Variants in BACH2 observed in about 807,000 individuals in gnomAD.
The protein encoded by BACH2 is transcription regulator protein BACH2.
In BACH2, 5 loss-of-function variants were observed where a neutral mutation model predicts 61.8. That is an observed-to-expected ratio of 0.08 (90% CI 0.04 to 0.17). BACH2 has a LOEUF of 0.17. BACH2 is among the 10% of genes least tolerant of loss of function. The probability of loss-of-function intolerance (pLI) is 1.00; values close to 1 mark genes in which losing one functional copy is unlikely to be tolerated. For missense variants in BACH2, 824 were observed against 1,091.1 expected (o/e 0.76, Z 3.45); for synonymous variants, 446 against 440.1 (o/e 1.01, Z -0.17).
At chr6:89,987,371 G>C (rs551014415) in intron 6 of BACH2, among the ~76,000 whole-genome samples, 1 of 152,236 alleles carries the variant, frequency 6.6e-6, no homozygotes, top group African/African-American at 2.4e-5. Context: ...ACTCAAATCA[G>C]ATGGAGGCTG....
At chr6:89,968,652 T>C (rs1174926351) in intron 6 of BACH2, among the ~76,000 whole-genome samples, 4 of 152,256 alleles carry the variant, frequency 2.6e-5, no homozygotes, top group Non-Finnish European at 5.9e-5. Flanking sequence ...GCAAAAAATT[T>C]ACTTGAGCAT....
At chr6:90,079,248 G>A (rs1781614399) in intron 5 of BACH2, among the ~76,000 whole-genome samples, 1 of 152,150 alleles carries the variant, frequency 6.6e-6, no homozygotes, top group African/African-American at 2.4e-5. Flanking sequence ...AGATACTACA[G>A]GGCAGGCGTG....
intron 2 of BACH2, among the ~76,000 whole-genome samples, chr6:90,266,271 C>T (rs56106243): frequency 0.25 from 38,495 of 151,976 alleles, 5,663 homozygotes; most frequent in Non-Finnish European, 0.34. Context: ...AACGAAGATA[C>T]TGAAGCCAGT....
chr6:90,136,677 T>G (rs1784280976), intron 4 of BACH2, among the ~76,000 whole-genome samples: 1 of 152,108 alleles, frequency 6.6e-6, no homozygotes, highest in African/African-American at 2.4e-5. Context: ...CAAATGCTAC[T>G]TAATATTACC....
At chr6:90,162,105 T>C (rs1164627674) in intron 4 of BACH2, among the ~76,000 whole-genome samples, 3 of 152,166 alleles carry the variant, frequency 2.0e-5, no homozygotes, top group Non-Finnish European at 4.4e-5. Flanking sequence ...TTTTGGACAC[T>C]GGCTTTCTTG....
chr6:90,100,807 A>G (rs1782595842), intron 4 of BACH2, among the ~76,000 whole-genome samples: 1 of 151,850 alleles, frequency 6.6e-6, no homozygotes, highest in Non-Finnish European at 1.5e-5. Context: ...ACAAATGGTA[A>G]CTCTGTATTT....
chr6:90,205,890 G>C (rs1219973832), intron 4 of BACH2, among the ~76,000 whole-genome samples: 1 of 152,068 alleles, frequency 6.6e-6, no homozygotes, highest in Non-Finnish European at 1.5e-5. Context: ...CACGCTAAAG[G>C]CATCTCAAGT....
At chr6:89,967,879 C>A (rs528657309) in intron 6 of BACH2, among the ~76,000 whole-genome samples, 35 of 152,298 alleles carry the variant, frequency 2.3e-4, no homozygotes, top group African/African-American at 7.9e-4. Context: ...GCTGGAGAGT[C>A]TCTGAGTTAA....
At chr6:90,104,551 T>C (rs1211595982) in intron 4 of BACH2, 2 of 152,266 alleles carry the variant, frequency 1.3e-5, no homozygotes, top group Non-Finnish European at 2.9e-5. Context: ...TCTGTTCTCC[T>C]TCAGTTAGGC....
chr6:90,202,154 G>A (rs560760640), intron 4 of BACH2, among the ~76,000 whole-genome samples: 1 of 152,306 alleles, frequency 6.6e-6, no homozygotes. Flanking sequence ...ATGGCATATA[G>A]TATGCACTTG....
intron 4 of BACH2, among the ~76,000 whole-genome samples, chr6:90,130,159 C>T (rs1479386133): frequency 1.3e-5 from 2 of 152,148 alleles, no homozygotes; most frequent in Non-Finnish European, 2.9e-5. Flanking sequence ...GAGTAAGCCA[C>T]GGTGCCTGGC....
At chr6:89,986,024 A>G (rs1342372621) in intron 6 of BACH2, among the ~76,000 whole-genome samples, 1 of 152,148 alleles carries the variant, frequency 6.6e-6, no homozygotes, top group East Asian at 1.9e-4. Context: ...CCGGACTTGT[A>G]AGGCTTTCTT....
intron 5 of BACH2, among the ~76,000 whole-genome samples, chr6:90,031,954 T>A (rs991029187): frequency 9.2e-5 from 14 of 152,156 alleles, no homozygotes; most frequent in Non-Finnish European, 1.6e-4. Context: ...GACTTCAAAC[T>A]ATACTACAAG....
At chr6:90,143,223 T>C (rs1261960006) in intron 4 of BACH2, among the ~76,000 whole-genome samples, 1 of 152,176 alleles carries the variant, frequency 6.6e-6, no homozygotes, top group African/African-American at 2.4e-5. Flanking sequence ...CATAAAGTCT[T>C]GGCAGCTAGA....
chr6:89,962,281 T>A (rs570848372), intron 6 of BACH2, among the ~76,000 whole-genome samples: 12 of 152,244 alleles, frequency 7.9e-5, no homozygotes, highest in Non-Finnish European at 1.5e-4. Flanking sequence ...CTTTTCCAAG[T>A]TTTTTCTCAC....
At chr6:90,038,667 T>C (rs1308210825) in intron 5 of BACH2, among the ~76,000 whole-genome samples, 1 of 152,182 alleles carries the variant, frequency 6.6e-6, no homozygotes, top group Non-Finnish European at 1.5e-5. Context: ...TTGTGTATCC[T>C]TCCAGAGAGA....
chr6:90,063,703 G>C (rs1282471898), intron 5 of BACH2, among the ~76,000 whole-genome samples: 1 of 152,086 alleles, frequency 6.6e-6, no homozygotes, highest in African/African-American at 2.4e-5. Flanking sequence ...CTGTAAAATG[G>C]GAATACTACT....
At chr6:90,074,767 C>G (rs1781396952) in intron 5 of BACH2, among the ~76,000 whole-genome samples, 1 of 152,064 alleles carries the variant, frequency 6.6e-6, no homozygotes, top group Non-Finnish European at 1.5e-5. Context: ...TTCAGTAGGA[C>G]TCAAAGCTCA....
chr6:89,977,696 T>C (rs1386046451), intron 6 of BACH2, among the ~76,000 whole-genome samples: 1 of 152,204 alleles, frequency 6.6e-6, no homozygotes, highest in African/African-American at 2.4e-5. Context: ...GCTTCTTGAG[T>C]TCATTATATA....
Sources: allele counts gnomAD v4.1 joint callset (sites outside exome capture counted in the v4.1 genomes callset), GRCh38; gene constraint gnomAD v4.1.1; transcripts MANE v1.5; gene names NCBI Gene and HGNC (gene_info 2026-07-23, HGNC 2026-07-21).